Variants in RTL4 observed in about 807,000 individuals in gnomAD.
RTL4 encodes retrotransposon Gag-like protein 4.
A neutral mutation model predicts 5.3 loss-of-function variants in RTL4; 4 were observed. The ratio of observed to expected loss-of-function variants is 0.75; its 90% CI spans 0.37 to 1.72. The LOEUF (loss-of-function observed/expected upper bound fraction) is 1.72. RTL4 is among the 40% of genes most tolerant of loss of function. RTL4 has a pLI of 0.04. For missense variants in RTL4, 260 were observed against 227.1 expected (o/e 1.14, Z -0.93); for synonymous variants, 98 against 87.3 (o/e 1.12, Z -0.68).
At chrX:112,195,422 A>G in the RTL4 span, among the ~76,000 whole-genome samples, 2 of 111,840 alleles carry the variant, frequency 1.8e-5, no homozygotes, top group African/African-American at 6.5e-5. Context: ...CCATCTGTCT[A>G]CTCATTTAAA....
chrX:112,356,579 G>GGTGTGTGTGTGT, the RTL4 span, among the ~76,000 whole-genome samples: 42 of 99,453 alleles, frequency 4.2e-4, no homozygotes, highest in African/African-American at 1.3e-3. Flanking sequence ...TTTGTTTTGG[G>GGTGTGTGTGTGT]GTGTGTGTGT....
chrX:112,434,506 C>G, the RTL4 span, among the ~76,000 whole-genome samples: 1 of 111,786 alleles, frequency 8.9e-6, no homozygotes, highest in African/African-American at 3.3e-5. Flanking sequence ...TCTAGATTTT[C>G]TAGTTTATTT....
the RTL4 span, among the ~76,000 whole-genome samples, chrX:112,263,821 C>T: frequency 1.8e-5 from 2 of 111,719 alleles, no homozygotes; most frequent in Non-Finnish European, 3.8e-5. Context: ...GTATTAATTA[C>T]TTTGATTGTA....
chrX:112,363,973 A>G, the RTL4 span, among the ~76,000 whole-genome samples: 1 of 111,445 alleles, frequency 9.0e-6, no homozygotes, highest in Non-Finnish European at 1.9e-5. Flanking sequence ...TTAGTTAACC[A>G]TTATAGAAGC....
chrX:112,319,196 A>G, the RTL4 span, among the ~76,000 whole-genome samples: 5 of 112,065 alleles, frequency 4.5e-5, no homozygotes, highest in Admixed American at 2.8e-4. Context: ...TTTTAGGCCC[A>G]TGAATGGTGA....
At chrX:112,126,322 G>A in the RTL4 span, among the ~76,000 whole-genome samples, 1 of 112,253 alleles carries the variant, frequency 8.9e-6, no homozygotes, top group East Asian at 2.8e-4. Context: ...GCTTTGCAAG[G>A]CAAACACAAA....
At chrX:112,421,491 T>A in the RTL4 span, among the ~76,000 whole-genome samples, 1 of 112,116 alleles carries the variant, frequency 8.9e-6, no homozygotes, top group African/African-American at 3.2e-5. Context: ...ACTGTTCTGG[T>A]TCTTTGGTAT....
At chrX:112,201,973 TTGTG>T in the RTL4 span, among the ~76,000 whole-genome samples, 637 of 103,400 alleles carry the variant, frequency 6.2e-3, 5 homozygotes, top group Middle Eastern at 0.045. Flanking sequence ...TTGTGTGTGT[TTGTG>T]TGTGTGTGTG....
the RTL4 span, among the ~76,000 whole-genome samples, chrX:112,336,658 G>A: frequency 8.9e-6 from 1 of 112,336 alleles, no homozygotes; most frequent in Non-Finnish European, 1.9e-5. Flanking sequence ...CAGTAACTAA[G>A]TCTAGTCACA....
At chrX:112,309,946 T>C in the RTL4 span, among the ~76,000 whole-genome samples, 1 of 103,874 alleles carries the variant, frequency 9.6e-6, no homozygotes, top group Non-Finnish European at 2.0e-5. Context: ...TTTCAGCTAC[T>C]TGGGAGGCTG....
At chrX:112,337,035 A>G in the RTL4 span, among the ~76,000 whole-genome samples, 1 of 111,385 alleles carries the variant, frequency 9.0e-6, no homozygotes, top group Non-Finnish European at 1.9e-5. Context: ...AAAATTCCTC[A>G]CTCACAGCCC....
At chrX:112,367,080 C>A in the RTL4 span, among the ~76,000 whole-genome samples, 66 of 111,931 alleles carry the variant, frequency 5.9e-4, no homozygotes, top group East Asian at 7.4e-3. Context: ...CCCTAAAACT[C>A]ATGTCCTTTA....
At chrX:112,374,921 A>G in the RTL4 span, among the ~76,000 whole-genome samples, 1 of 111,872 alleles carries the variant, frequency 8.9e-6, no homozygotes, top group Non-Finnish European at 1.9e-5. Flanking sequence ...GAAAGTTATA[A>G]AGCCTTGTTA....
At chrX:112,294,578 G>GAC in the RTL4 span, among the ~76,000 whole-genome samples, 1 of 111,506 alleles carries the variant, frequency 9.0e-6, no homozygotes, top group Admixed American at 9.5e-5. Flanking sequence ...CAGCCTGAGA[G>GAC]ACAGAGCAAG....
chrX:112,287,487 G>A, the RTL4 span, among the ~76,000 whole-genome samples: 2 of 111,700 alleles, frequency 1.8e-5, no homozygotes, highest in African/African-American at 3.3e-5. Context: ...AATCTTGGAC[G>A]TATTCATTGA....
the RTL4 span, among the ~76,000 whole-genome samples, chrX:112,365,395 A>G: frequency 1.4e-4 from 15 of 111,086 alleles, no homozygotes; most frequent in African/African-American, 2.3e-4. Flanking sequence ...TAAGAAGTCA[A>G]TCATTTCATA....
chrX:112,260,485 T>G, the RTL4 span, among the ~76,000 whole-genome samples: 1 of 111,850 alleles, frequency 8.9e-6, no homozygotes, highest in Non-Finnish European at 1.9e-5. Context: ...GAGCAGGTAT[T>G]ACATTGAAGA....
the RTL4 span, among the ~76,000 whole-genome samples, chrX:112,111,105 CTG>C: frequency 4.5e-5 from 5 of 111,720 alleles, no homozygotes; most frequent in Non-Finnish European, 9.4e-5. Flanking sequence ...ATAGGATACA[CTG>C]TTCTTTCTTT....
the RTL4 span, among the ~76,000 whole-genome samples, chrX:112,260,678 C>T: frequency 5.4e-5 from 6 of 111,802 alleles, no homozygotes; most frequent in Non-Finnish European, 1.1e-4. Flanking sequence ...ATCTGCAAGG[C>T]TCCAGAAAAT....
Sources: allele counts gnomAD v4.1 joint callset (sites outside exome capture counted in the v4.1 genomes callset), GRCh38; gene constraint gnomAD v4.1.1; transcripts MANE v1.5; gene names NCBI Gene and HGNC (gene_info 2026-07-23, HGNC 2026-07-21).